CTNNA3: variants seen among roughly 807,000 people sequenced by gnomAD.
CTNNA3 encodes the protein catenin alpha 3, also known as catenin alpha-3.
In CTNNA3, 76 loss-of-function variants were observed where a neutral mutation model predicts 95.7. The ratio of observed to expected loss-of-function variants is 0.79; its 90% CI spans 0.66 to 0.96. The LOEUF is 0.96. CTNNA3 is among the 40% of genes least tolerant of loss of function. The probability of loss-of-function intolerance (pLI) is 0.00; values close to 1 mark genes in which losing one functional copy is unlikely to be tolerated. For missense variants in CTNNA3, 1,191 were observed against 1,089.8 expected (o/e 1.09, Z -1.31); for synonymous variants, 431 against 374.4 (o/e 1.15, Z -1.74).
chr10:66,663,313 C>T (rs961521964), intron 9 of CTNNA3, among the ~76,000 whole-genome samples: 2 of 151,904 alleles, frequency 1.3e-5, no homozygotes, highest in African/African-American at 4.8e-5. Context: ...ACCAATGCAC[C>T]GTTCCCCTTA....
intron 7 of CTNNA3, among the ~76,000 whole-genome samples, chr10:66,883,055 G>A (rs760535383): frequency 1.4e-4 from 22 of 152,112 alleles, no homozygotes; most frequent in Admixed American, 2.6e-4. Flanking sequence ...AGATTGCAAC[G>A]TACAGCCATG....
intron 17 of CTNNA3, among the ~76,000 whole-genome samples, chr10:65,957,439 T>A (rs2133228591): frequency 6.6e-6 from 1 of 152,334 alleles, no homozygotes; most frequent in South Asian, 2.1e-4. Context: ...ATTATGATGT[T>A]AGCTGGTTAT....
At chr10:65,930,834 T>C (rs1368762256) in intron 17 of CTNNA3, among the ~76,000 whole-genome samples, 1 of 152,220 alleles carries the variant, frequency 6.6e-6, no homozygotes, top group Non-Finnish European at 1.5e-5. Flanking sequence ...CTGTCAAATA[T>C]GCCTATTCAT....
Position 66,797,636 on chromosome 10 carries a change from T to C in CTNNA3, c.1048-22112A>G, listed in dbSNP as rs943912975. On this transcript the variant is annotated intron_variant, in intron 7 of 17. Coordinates refer to ENST00000433211, the MANE Select transcript of CTNNA3 (RefSeq NM_013266.4). ...AACACATATTGATACTGTCAGTAGC[T>C]GTGCACGTGATTTTGCTGTTTTTAA... is the stretch of plus-strand genomic sequence containing the variant. Among the ~76,000 whole-genome samples, 3 of 152,038 alleles carry C rather than the reference T, an allele frequency of 2.0e-5. No homozygotes were observed. In the East Asian group the frequency reaches 5.8e-4, roughly 29 times the overall value.
At chr10:67,528,843 A>T (rs1432923744) in intron 4 of CTNNA3, among the ~76,000 whole-genome samples, 1 of 152,216 alleles carries the variant, frequency 6.6e-6, no homozygotes, top group Non-Finnish European at 1.5e-5. Context: ...AACTGGAAAG[A>T]TGCTGATTCC....
intron 15 of CTNNA3, among the ~76,000 whole-genome samples, chr10:66,009,878 C>G (rs529967779): frequency 6.6e-6 from 1 of 152,316 alleles, no homozygotes; most frequent in African/African-American, 2.4e-5. Flanking sequence ...TTACATATCA[C>G]AGTTCTTCCA....
intron 5 of CTNNA3, among the ~76,000 whole-genome samples, chr10:67,326,068 C>G (rs1045337518): frequency 2.0e-5 from 3 of 152,028 alleles, no homozygotes; most frequent in African/African-American, 7.2e-5. Flanking sequence ...TATCTGTTTT[C>G]CATTTGCTTG....
chr10:67,408,731 C>T (rs1845241626), intron 5 of CTNNA3, among the ~76,000 whole-genome samples: 1 of 151,890 alleles, frequency 6.6e-6, no homozygotes, highest in African/African-American at 2.4e-5. Flanking sequence ...CAAAAATTGA[C>T]AAATGAGATC....
intron 13 of CTNNA3, among the ~76,000 whole-genome samples, chr10:66,185,961 A>C (rs2131869668): frequency 6.6e-6 from 1 of 152,096 alleles, no homozygotes. Context: ...ACATACACAT[A>C]TATATACACG....
At chr10:66,706,357 CTT>C (rs68017483) in intron 9 of CTNNA3, among the ~76,000 whole-genome samples, 1 of 144,410 alleles carries the variant, frequency 6.9e-6, no homozygotes, top group Non-Finnish European at 1.5e-5. Context: ...GATAGCTTAT[CTT>C]TTTTTTTTTT....
At chr10:67,575,180 T>C (rs1276381629) in intron 3 of CTNNA3, among the ~76,000 whole-genome samples, 3 of 152,184 alleles carry the variant, frequency 2.0e-5, no homozygotes, top group Non-Finnish European at 2.9e-5. Context: ...GGTTATGCGT[T>C]TCCTATATAT....
intron 7 of CTNNA3, among the ~76,000 whole-genome samples, chr10:66,993,486 G>A (rs1000207266): frequency 2.0e-4 from 30 of 152,040 alleles, no homozygotes; most frequent in South Asian, 8.3e-4. Context: ...ATTGCATTCT[G>A]GCAGGACAAG....
intron 5 of CTNNA3, among the ~76,000 whole-genome samples, chr10:67,503,087 C>T (rs1839284644): frequency 6.6e-6 from 1 of 152,204 alleles, no homozygotes; most frequent in South Asian, 2.1e-4. Context: ...AAACCCACGG[C>T]CTTGGTAGCA....
chr10:66,307,001 C>T (rs972877553), intron 12 of CTNNA3, among the ~76,000 whole-genome samples: 9 of 152,182 alleles, frequency 5.9e-5, no homozygotes, highest in Non-Finnish European at 1.0e-4. Flanking sequence ...ACTGAACCTG[C>T]GTGTCAGGCA....
intron 5 of CTNNA3, among the ~76,000 whole-genome samples, chr10:67,350,160 C>G (rs1346205924): frequency 6.6e-6 from 1 of 152,046 alleles, no homozygotes; most frequent in African/African-American, 2.4e-5. Flanking sequence ...ATTAATCTGT[C>G]AAGGTCACTC....
At chr10:66,244,735 A>AT (rs1173408978) in intron 13 of CTNNA3, among the ~76,000 whole-genome samples, 4 of 152,174 alleles carry the variant, frequency 2.6e-5, no homozygotes, top group Non-Finnish European at 4.4e-5. Flanking sequence ...TGTCGAAGTC[A>AT]TTTTTAATAT....
Position 66,420,852 on chromosome 10 carries a change from G to A in CTNNA3, c.1532-41500C>T, listed in dbSNP as rs937843631. 5.7e-5 allele frequency among the ~76,000 whole-genome samples: 7 copies of A among 123,526 alleles called. 2 individuals carry two copies. The highest frequency in any genetic ancestry group is 4.6e-4 in the Admixed American group (6 of 13,106). 81.0% of individuals were successfully genotyped at this position (123,526 alleles called of 152,430 possible). ...AAATAAATAAATAAAAAACAATATG[G>A]AGATTTCTCAAACAAACTAAAAATA... On this transcript the variant is annotated intron_variant, in intron 11 of 17. Transcript: ENST00000433211.
intron 9 of CTNNA3, among the ~76,000 whole-genome samples, chr10:66,726,034 T>C (rs1021464392): frequency 1.3e-5 from 2 of 152,076 alleles, no homozygotes; most frequent in African/African-American, 4.8e-5. Context: ...CCTCTAAACT[T>C]CTTTCTTTAT....
chr10:66,354,174 C>T (rs2132400708), intron 12 of CTNNA3, among the ~76,000 whole-genome samples: 1 of 152,026 alleles, frequency 6.6e-6, no homozygotes, highest in Non-Finnish European at 1.5e-5. Flanking sequence ...ATCCCAGCTA[C>T]TTGGGAGGCT....
Sources: gnomAD v4.1 joint callset for allele counts (sites outside exome capture counted in the v4.1 genomes callset) on GRCh38, gnomAD v4.1.1 for gene constraint, MANE v1.5 for transcripts, NCBI Gene and HGNC (gene_info 2026-07-23, HGNC 2026-07-21) for gene names.